Variants in EXOC3 observed in about 807,000 individuals in gnomAD.
The protein encoded by EXOC3 is exocyst complex component 3.
A neutral mutation model predicts 73.7 loss-of-function variants in EXOC3; 21 were observed. That is an observed-to-expected ratio of 0.29 (90% confidence interval 0.20 to 0.41). The LOEUF (loss-of-function observed/expected upper bound fraction) is 0.41. Among genes scored for constraint, EXOC3 ranks in the 10% least tolerant of loss-of-function variants. EXOC3 has a pLI of 1.00. For missense variants in EXOC3, 842 were observed against 985.1 expected, an observed-to-expected ratio of 0.85 and a Z score of 1.95; for synonymous variants, 410 against 389.1, an observed-to-expected ratio of 1.05 and a Z score of -0.63.
At position 466,915 on chromosome 5, in the gene EXOC3, C is replaced by G. The variant is rs1051152893; in HGVS notation, c.*17C>G. ...CTCAAGTAGCCTCCGCCGGCCTGCC[C>G]TGCTCGCCCCTCCACAGCCTCGGTC... On this transcript the variant is annotated 3_prime_UTR_variant, in exon 13 of 13. Coordinates refer to ENST00000512944, the MANE Select transcript of EXOC3 (RefSeq NM_007277.5). 3.2e-6 allele frequency: 5 copies of G among 1,578,366 alleles called. No homozygotes were observed. The highest frequency in any genetic ancestry group is 4.3e-6 in the Non-Finnish European group (5 of 1,162,014).
chr5:447,584 C>T lies in EXOC3; in HGVS notation c.196C>T (p.His66Tyr), dbSNP rs751573210. 5.7e-6 allele frequency: 9 copies of T among 1,591,578 alleles called. No individual in the cohort carries two copies. The South Asian group carries it at 9.2e-5, about 16-fold the overall frequency. Residue 66 changes from histidine (H) to tyrosine (Y), a missense_variant, in exon 3 of 13, where the codon CAC becomes TAC. Transcript: ENST00000512944. ...DGVRTGLSQLHNALNDVKDIQ... is the reference protein window; with the variant it reads ...DGVRTGLSQLYNALNDVKDIQ... ...GGTGCGCACAGGCCTCAGCCAGCTC[C>T]ACAACGCCCTGAATGACGTCAAAGA...
chr5:458,033 C>G lies in EXOC3; in HGVS notation c.1290+8C>G. 1.2e-6 allele frequency: 2 copies of G among 1,611,542 alleles called. No homozygotes were observed. Among genetic ancestry groups the G allele is most frequent in the South Asian group, 1.1e-5 (1 of 90,530 alleles). Reference sequence around the variant, plus strand: ...CCTGCCATTGTCTTCCAGGTACCACCTGCAGGGGACTGGCACAGTTCCGTT... The same window carrying G: ...CCTGCCATTGTCTTCCAGGTACCACGTGCAGGGGACTGGCACAGTTCCGTT... On this transcript the variant is annotated splice_region_variant and intron_variant, in intron 6 of 12. Transcript: ENST00000512944.
In EXOC3 at chr5:466,970, T is replaced by G; in HGVS notation, c.*72T>G. 2 of 1,419,532 alleles carry G rather than the reference T, an allele frequency of 1.4e-6. No individual in the cohort carries two copies. The highest frequency in any genetic ancestry group is 5.0e-5 in the East Asian group (2 of 40,176). The allele number at this position is 1,419,532 out of a possible 1,614,324, so 87.9% of individuals were successfully genotyped here. On this transcript the variant is annotated 3_prime_UTR_variant, in exon 13 of 13. Transcript: ENST00000512944. ...CCTTTAGAAACGCGGGACAGCTGAT[T>G]GCTCTCCTTGGCCACACGTGCTCCT...
chr5:466,205 CG>C (rs1016387592), intron 12 of EXOC3: 4 of 289,866 alleles, frequency 1.4e-5, no homozygotes, highest in African/African-American at 8.7e-5. Context: ...ATGGTGGACT[CG>C]GGAGGGCCCA....
intron 7 of EXOC3, among the ~76,000 whole-genome samples, chr5:461,320 A>G (rs1403234250): frequency 1.3e-5 from 2 of 152,070 alleles, no homozygotes; most frequent in African/African-American, 4.8e-5. Flanking sequence ...AATTGTTTTT[A>G]AGAAACAAGG....
chr5:453,775 C>A lies in EXOC3; in HGVS notation c.770C>A (p.Thr257Asn). ...KMFTILERTV[T>N]TRIEGTQADT... ...TTCACCATCTTGGAGAGGACTGTGA[C>A]CACCAGAATTGAGGGCACACAGGCA... is the stretch of plus-strand genomic sequence containing the variant. The change falls in exon 4 of 13, where the codon ACC becomes AAC. Residue 257 changes from threonine to asparagine, a missense_variant. Thr to Asn is a moderately conservative substitution (Grantham distance 65). Coordinates refer to ENST00000512944, the MANE Select transcript of EXOC3 (RefSeq NM_007277.5). 6.2e-7 allele frequency: 1 copy of A among 1,613,926 alleles called. No homozygotes were observed. The highest frequency in any genetic ancestry group is 1.1e-5 in the South Asian group (1 of 91,080).
At position 466,508 on chromosome 5, in the gene EXOC3, G is replaced by A. The variant is rs1560941943; in HGVS notation, c.2067-219G>A. 2.2e-5 allele frequency: 12 copies of A among 546,638 alleles called. No homozygotes were observed. In the East Asian group the frequency reaches 3.5e-4, roughly 16 times the overall value. 33.9% of individuals were successfully genotyped at this position (546,638 alleles called of 1,614,324 possible). A position where few individuals can be genotyped will look rare whatever the true frequency, so the allele number is the denominator to read the frequency against. ...TGGGCCGGAACAAAGATTTATAAAAGCAGTGTTGAAAAATCTTTCTGCAAT... is the reference window on the plus strand; with the variant it reads ...TGGGCCGGAACAAAGATTTATAAAAACAGTGTTGAAAAATCTTTCTGCAAT... On this transcript the variant is annotated intron_variant, in intron 12 of 12. Transcript: ENST00000512944.
At chr5:456,311 ATTTTTATTAT>A (rs1242068180) in intron 4 of EXOC3, among the ~76,000 whole-genome samples, 2 of 152,148 alleles carry the variant, frequency 1.3e-5, no homozygotes, top group Non-Finnish European at 1.5e-5. Context: ...ATTTTTTGAA[ATTTTTATTAT>A]TTTTTATTGT....
intron 7 of EXOC3, among the ~76,000 whole-genome samples, chr5:460,470 G>A (rs1737951410): frequency 1.3e-5 from 2 of 152,122 alleles, no homozygotes; most frequent in African/African-American, 2.4e-5. Context: ...CTACAGCCAC[G>A]CCGCCCACTC....
intron 6 of EXOC3, among the ~76,000 whole-genome samples, chr5:459,143 A>G (rs1737906925): frequency 6.6e-6 from 1 of 152,100 alleles, no homozygotes; most frequent in South Asian, 2.1e-4. Flanking sequence ...AGGAATTAAG[A>G]AATGAGTCAC....
chr5:458,583 C>T (rs187116572), intron 6 of EXOC3, among the ~76,000 whole-genome samples: 9 of 152,350 alleles, frequency 5.9e-5, no homozygotes, highest in African/African-American at 9.6e-5. Context: ...ATTTTTACCA[C>T]GGATTCACTT....
In EXOC3 at chr5:467,271, T is replaced by C. The variant is rs1738179513; in HGVS notation, c.*373T>C. The C allele has an allele frequency of 4.6e-6, 1 of 215,428 alleles. No individual in the cohort carries two copies. The highest frequency in any genetic ancestry group is 5.6e-5 in the Admixed American group (1 of 17,734). 13.3% of individuals were successfully genotyped at this position (215,428 alleles called of 1,614,324 possible). ...GGAACCCCGTCACCTAATTAAAGTT[T>C]CTCGGCTTCCTCAGAGAAATGAAAA... On this transcript the variant is annotated 3_prime_UTR_variant, in exon 13 of 13. Coordinates refer to ENST00000512944, the MANE Select transcript of EXOC3 (RefSeq NM_007277.5).
rs1209421272 is a variant in EXOC3, at chr5:453,517, C to T, written c.512C>T (p.Thr171Ile). The part of the protein sequence containing the change: ...RMDSGNTRDM[T>I]LIHGYFGSTQ... ...GACAGTGGGAACACGCGTGACATGA[C>T]CCTCATCCATGGCTACTTTGGCAGC... Residue 171 changes from threonine to isoleucine, a missense_variant, in exon 4 of 13, where the codon ACC (threonine) becomes ATC (isoleucine). Thr to Ile is a moderately conservative substitution (Grantham distance 89). Transcript: ENST00000512944. The T allele has an allele frequency of 6.2e-7, 1 of 1,613,980 alleles. No individual in the cohort carries two copies. Among genetic ancestry groups the T allele is most frequent in the Admixed American group, 1.7e-5 (1 of 60,022 alleles).
At chr5:463,565 G>A (rs1402677326) in intron 9 of EXOC3, among the ~76,000 whole-genome samples, 4 of 152,220 alleles carry the variant, frequency 2.6e-5, no homozygotes, top group African/African-American at 9.6e-5. Context: ...CCTGAACTGG[G>A]TTGGGTTTTT....
rs770373545 is a variant in EXOC3 at position 462,607 on chromosome 5, AT to A, written c.1653+302del. On this transcript the variant is annotated intron_variant, in intron 9 of 12. Transcript: ENST00000512944. Reference sequence around the variant, plus strand: ...ATGTAGGGACCTGTCAAAAAGTCAAATTGAGAGTGCACACACACACACATCC... The same window carrying A: ...ATGTAGGGACCTGTCAAAAAGTCAAATGAGAGTGCACACACACACACATCC... 4.8e-5 allele frequency: 18 copies of A among 377,810 alleles called. No homozygotes were observed. In the South Asian group the frequency reaches 6.3e-4, roughly 13 times the overall value. The allele number at this position is 377,810 out of a possible 1,614,324, so 23.4% of individuals were successfully genotyped here.
At position 453,714 on chromosome 5, in the gene EXOC3, C is replaced by T; in HGVS notation, c.709C>T (p.Pro237Ser). 1.9e-6 allele frequency: 3 copies of T among 1,613,914 alleles called. No homozygotes were observed. Among genetic ancestry groups the T allele is most frequent in the Non-Finnish European group, 2.5e-6 (3 of 1,179,892 alleles). Residue 237 changes from proline to serine, a missense_variant, in exon 4 of 13, where the codon CCT (proline) becomes TCT (serine). Physicochemically the swap from Pro to Ser is moderately conservative, Grantham distance 74. Transcript: ENST00000512944. ...LDRKKQTGFV[P>S]PGRPKNWKEK... ...CCGGAAAAAGCAAACTGGCTTTGTT[C>T]CTCCTGGGAGGCCCAAGAATTGGAA...
In EXOC3 at chr5:465,820, C is replaced by G. The variant is rs776836177; in HGVS notation, c.2041C>G (p.Leu681Val). Residue 681 changes from leucine (L) to valine (V), a missense_variant, in exon 12 of 13, where the codon CTG becomes GTG. Leu to Val is a conservative substitution (Grantham distance 32). Transcript: ENST00000512944. ...TCTGCTCTACCTGGAGGTCTCCACT[C>G]TGGTCAGCAAGTATCCAGACATCAG... is the stretch of plus-strand genomic sequence containing the variant. Reference protein sequence around the residue: ...PSLLYLEVSTLVSKYPDIRDD... With the variant: ...PSLLYLEVSTVVSKYPDIRDD... The G allele has an allele frequency of 9.3e-6, 15 of 1,612,212 alleles. No individual in the cohort carries two copies. The highest frequency in any genetic ancestry group is 1.3e-5 in the Non-Finnish European group (15 of 1,179,234).
intron 10 of EXOC3, chr5:464,873 G>T (rs757970523): frequency 5.3e-6 from 3 of 566,168 alleles, no homozygotes; most frequent in Non-Finnish European, 9.3e-6. Flanking sequence ...TGCCTCGCCC[G>T]CGTCTGTCCT....
rs572321087 is a variant in EXOC3 at position 465,105 on chromosome 5, C to T, written c.1777-6C>T. On this transcript the variant is annotated splice_polypyrimidine_tract_variant and splice_region_variant and intron_variant, in intron 10 of 12. Transcript: ENST00000512944. Reference sequence around the variant, plus strand: ...AGCCTGCCGCTGACCGCGCGTGTCTCCCCAGAGGATGACGGCCGAGGCGCA... The same window carrying T: ...AGCCTGCCGCTGACCGCGCGTGTCTTCCCAGAGGATGACGGCCGAGGCGCA... 4.1e-5 allele frequency: 64 copies of T among 1,566,430 alleles called. 2 individuals are homozygous for T. Among genetic ancestry groups the T allele is most frequent in the South Asian group, 3.6e-4 (31 of 85,576 alleles).
Sources: gnomAD v4.1 joint callset for allele counts (sites outside exome capture counted in the v4.1 genomes callset) on GRCh38, gnomAD v4.1.1 for gene constraint, MANE v1.5 for transcripts, NCBI Gene and HGNC (gene_info 2026-07-23, HGNC 2026-07-21) for gene names.